The following SUCLA2 variants were observed in gnomAD, a reference collection of about 807,000 sequenced individuals.
SUCLA2 encodes succinate-CoA ligase ADP-forming subunit beta.
In SUCLA2, 30 loss-of-function variants were observed where a neutral mutation model predicts 54.8. The observed-to-expected ratio is 0.55, with a 90% CI of 0.41 to 0.74. SUCLA2 has a LOEUF of 0.74. SUCLA2 is among the 30% of genes least tolerant of loss of function. The probability of loss-of-function intolerance (pLI) is 0.00; values close to 1 mark genes in which losing one functional copy is unlikely to be tolerated. For synonymous variants in SUCLA2, 172 were observed against 188.9 expected, an observed-to-expected ratio of 0.91 and a Z score of 0.74; for missense variants, 476 against 562.9, an observed-to-expected ratio of 0.85 and a Z score of 1.56.
intron 2 of SUCLA2, among the ~76,000 whole-genome samples, chr13:47,993,363 C>A (rs181711400): frequency 6.6e-6 from 1 of 152,250 alleles, no homozygotes; most frequent in East Asian, 1.9e-4. Context: ...GTGCTAATAA[C>A]CATCCCTTTG....
chr13:47,977,832 A>C (rs922477402), intron 4 of SUCLA2, among the ~76,000 whole-genome samples: 2 of 152,220 alleles, frequency 1.3e-5, no homozygotes, highest in African/African-American at 4.8e-5. Flanking sequence ...GAAACTGAAA[A>C]TCAATGTGCA....
intron 6 of SUCLA2, 54 bp from the exon 7 acceptor site, chr13:47,954,611 G>A (rs1949804440): frequency 6.4e-7 from 1 of 1,560,126 alleles, no homozygotes; most frequent in Non-Finnish European, 8.8e-7. Context: ...ATACAATAAA[G>A]TATCAAATAG....
chr13:47,978,586 A>G (rs1423022899), intron 4 of SUCLA2, among the ~76,000 whole-genome samples: 1 of 152,238 alleles, frequency 6.6e-6, no homozygotes, highest in East Asian at 1.9e-4. Flanking sequence ...AGGCAATACC[A>G]TTCAGGACAT....
chr13:47,986,092 A>G (rs989749167), intron 4 of SUCLA2, among the ~76,000 whole-genome samples: 1 of 142,928 alleles, frequency 7.0e-6, no homozygotes, highest in African/African-American at 2.6e-5. Flanking sequence ...GTGCAGTAGC[A>G]CAACCTCGGC....
At chr13:47,954,058 T>C in intron 8 of SUCLA2, 82 bp downstream of exon 8, 1 of 1,198,556 alleles carries the variant, frequency 8.3e-7, no homozygotes, top group South Asian at 2.6e-5. Flanking sequence ...TTCTAAATTC[T>C]AAAACATAAA....
intron 10 of SUCLA2, chr13:47,945,686 A>ACACACACACAC (rs1491146856): frequency 1.7e-4 from 3 of 17,236 alleles, no homozygotes; most frequent in African/African-American, 3.4e-4. Flanking sequence ...ACACACACAC[A>ACACACACACAC]AAGTCCCCCC....
chr13:47,957,416 ATG>A (rs1178546716), intron 6 of SUCLA2, among the ~76,000 whole-genome samples: 1 of 152,140 alleles, frequency 6.6e-6, no homozygotes, highest in African/African-American at 2.4e-5. Flanking sequence ...GACTCAGCTG[ATG>A]TGGGCAGGGA....
intron 6 of SUCLA2, among the ~76,000 whole-genome samples, chr13:47,955,007 A>G (rs1053446687): frequency 6.6e-6 from 1 of 152,016 alleles, no homozygotes; most frequent in Non-Finnish European, 1.5e-5. Flanking sequence ...CGACTTGCTA[A>G]AACAGTTTTA....
At chr13:47,958,867 T>C (rs1419231982) in intron 6 of SUCLA2, among the ~76,000 whole-genome samples, 1 of 152,224 alleles carries the variant, frequency 6.6e-6, no homozygotes, top group Non-Finnish European at 1.5e-5. Context: ...GTAATCTAGA[T>C]AAACTGTTTA....
intron 2 of SUCLA2, chr13:47,994,783 A>G: frequency 9.2e-6 from 9 of 980,614 alleles, no homozygotes; most frequent in Non-Finnish European, 9.7e-6. Flanking sequence ...AAGGGGCTCA[A>G]AATCAGAGCT....
rs373072635 is a variant in SUCLA2 at position 47,990,373 on chromosome 13, T to C, written c.272-1392A>G. Among the ~76,000 whole-genome samples, 3 of 152,032 alleles carry C rather than the reference T, an allele frequency of 2.0e-5. No homozygotes were observed. The East Asian group carries it at 5.8e-4, about 29-fold the overall frequency. Reference sequence around the variant, plus strand: ...AAGAGTAAATGCTCTGGGTGATGGGTATCCTAAATGCCCTGAATTGATCAT... The same window carrying C: ...AAGAGTAAATGCTCTGGGTGATGGGCATCCTAAATGCCCTGAATTGATCAT... On this transcript the variant is annotated intron_variant, in intron 2 of 10. Transcript: ENST00000646932.
At position 47,989,209 on chromosome 13, in the gene SUCLA2, A is replaced by G. The variant is rs567966358; in HGVS notation, c.272-228T>C. On this transcript the variant is annotated intron_variant, in intron 2 of 10. Transcript: ENST00000646932. Reference sequence around the variant, plus strand: ...CAAAATTCGTCACTTACATTAAACCATTTCTTTTTTTTTTTTTTTGAAACA... The same window carrying G: ...CAAAATTCGTCACTTACATTAAACCGTTTCTTTTTTTTTTTTTTTGAAACA... Among the ~76,000 whole-genome samples the G allele has an allele frequency of 5.5e-4, 62 of 112,382 alleles. No homozygotes were observed. In the South Asian group the frequency reaches 0.016, roughly 30 times the overall value. 73.7% of individuals were successfully genotyped at this position (112,382 alleles called of 152,430 possible).
In SUCLA2 at chr13:47,997,078, C is replaced by T. The variant is rs8001509; in HGVS notation, c.91-55G>A. The T allele has an allele frequency of 0.93, 1,482,041 of 1,595,282 alleles. 688,853 individuals carry two copies. Among genetic ancestry groups the T allele is most frequent in the East Asian group, 1 (44,685 of 44,744 alleles). ...GACAGTGATTTGGCAGTCACTCTTGCTAACTACTTGGTTCTTCATAACTAT... is the reference window on the plus strand; with the variant it reads ...GACAGTGATTTGGCAGTCACTCTTGTTAACTACTTGGTTCTTCATAACTAT... On this transcript the variant is annotated intron_variant, in intron 1 of 10. Transcript: ENST00000646932.
At chr13:47,994,858 T>A in intron 2 of SUCLA2, 2 of 985,358 alleles carry the variant, frequency 2.0e-6, no homozygotes, top group Non-Finnish European at 2.4e-6. Flanking sequence ...TACTCATAGT[T>A]ACAGTTTATC....
chr13:47,952,381 C>G (rs971709220), intron 8 of SUCLA2, among the ~76,000 whole-genome samples: 1 of 152,088 alleles, frequency 6.6e-6, no homozygotes, highest in Non-Finnish European at 1.5e-5. Context: ...TCACCAACTC[C>G]TAAGACTTCA....
intron 1 of SUCLA2, among the ~76,000 whole-genome samples, chr13:47,999,702 G>A (rs1275356885): frequency 4.0e-5 from 4 of 98,982 alleles, no homozygotes; most frequent in East Asian, 3.3e-4. Flanking sequence ...GCAAGACTCC[G>A]TCTCAAGGAA....
intron 6 of SUCLA2, among the ~76,000 whole-genome samples, chr13:47,962,962 G>A (rs914195730): frequency 5.3e-5 from 8 of 151,978 alleles, no homozygotes; most frequent in African/African-American, 1.9e-4. Flanking sequence ...CTCTTACCAC[G>A]TATTCATCAT....
intron 6 of SUCLA2, among the ~76,000 whole-genome samples, chr13:47,966,897 G>A (rs1949924103): frequency 1.3e-5 from 2 of 152,078 alleles, no homozygotes; most frequent in African/African-American, 4.8e-5. Context: ...GCATGGGCCT[G>A]TAGTCCCAGC....
chr13:47,954,053 A>T, intron 8 of SUCLA2, 87 bp downstream of exon 8: 1 of 1,188,190 alleles, frequency 8.4e-7, no homozygotes, highest in Non-Finnish European at 1.1e-6. Flanking sequence ...ATGAATTCTA[A>T]ATTCTAAAAC....
Sources: gnomAD v4.1 joint callset for allele counts (sites outside exome capture counted in the v4.1 genomes callset) on GRCh38, gnomAD v4.1.1 for gene constraint, MANE v1.5 for transcripts, NCBI Gene and HGNC (gene_info 2026-07-23, HGNC 2026-07-21) for gene names.